Variants in CACNB4 observed in about 807,000 individuals in gnomAD.
The protein encoded by CACNB4 is calcium voltage-gated channel auxiliary subunit beta 4, also known as voltage-dependent L-type calcium channel subunit beta-4.
Under a neutral mutation model 71.2 loss-of-function variants are expected in CACNB4, and 32 were observed. The ratio of observed to expected loss-of-function variants is 0.45; its 90% CI spans 0.34 to 0.60. The LOEUF (loss-of-function observed/expected upper bound fraction) is 0.60, where lower values mean the gene tolerates loss of function less well. Among genes scored for constraint, CACNB4 ranks in the 20% least tolerant of loss-of-function variants. The probability of loss-of-function intolerance (pLI) is 0.01; values close to 1 mark genes in which losing one functional copy is unlikely to be tolerated. For missense variants in CACNB4, 464 were observed against 647.9 expected, an observed-to-expected ratio of 0.72 and a Z score of 3.08; for synonymous variants, 231 against 236.9, an observed-to-expected ratio of 0.97 and a Z score of 0.23.
At chr2:152,061,288 G>A (rs1178308156) in intron 2 of CACNB4, among the ~76,000 whole-genome samples, 1 of 151,856 alleles carries the variant, frequency 6.6e-6, no homozygotes, top group Admixed American at 6.6e-5. Context: ...CTCCAGCTTG[G>A]GTGACAGAGC....
chr2:151,854,565 T>C (rs2099839799), intron 11 of CACNB4: 1 of 152,220 alleles, frequency 6.6e-6, no homozygotes, highest in African/African-American at 2.4e-5. Flanking sequence ...GGTAACCATT[T>C]CACGTTAACT....
chr2:151,862,485 T>C (rs913204568), intron 9 of CACNB4, among the ~76,000 whole-genome samples: 1 of 152,144 alleles, frequency 6.6e-6, no homozygotes, highest in African/African-American at 2.4e-5. Context: ...ATTTGATGCA[T>C]CTTCAAAATT....
intron 6 of CACNB4, 165 bp from the exon 7 acceptor site, chr2:151,871,026 G>A (rs1044511587): frequency 2.8e-5 from 17 of 611,186 alleles, no homozygotes; most frequent in South Asian, 1.9e-4. Flanking sequence ...TTCTGGACAC[G>A]TCAATTTTGA....
intron 2 of CACNB4, among the ~76,000 whole-genome samples, chr2:151,910,326 T>G (rs1030640880): frequency 2.0e-5 from 3 of 152,248 alleles, no homozygotes; most frequent in Non-Finnish European, 4.4e-5. Flanking sequence ...GTAGGTTGCC[T>G]GTTCACTCTC....
chr2:151,991,646 T>G (rs1681709936), intron 2 of CACNB4, among the ~76,000 whole-genome samples: 1 of 152,242 alleles, frequency 6.6e-6, no homozygotes, highest in Non-Finnish European at 1.5e-5. Context: ...TCTGAATGTC[T>G]TCTTTTTCTT....
chr2:151,915,991 G>A (rs1405042825), intron 2 of CACNB4, among the ~76,000 whole-genome samples: 4 of 53,044 alleles, frequency 7.5e-5, no homozygotes, highest in African/African-American at 1.3e-4. Context: ...TTGGCTGGGG[G>A]GAGGGGGTTC....
At chr2:152,092,530 G>A (rs538438371) in intron 2 of CACNB4, among the ~76,000 whole-genome samples, 13 of 151,834 alleles carry the variant, frequency 8.6e-5, no homozygotes, top group South Asian at 8.3e-4. Context: ...CAAGGTAGAT[G>A]GTTCCAACAA....
At chr2:151,932,119 T>A (rs1385258016) in intron 2 of CACNB4, among the ~76,000 whole-genome samples, 1 of 152,100 alleles carries the variant, frequency 6.6e-6, no homozygotes, top group Non-Finnish European at 1.5e-5. Flanking sequence ...GACAGCTAAC[T>A]TTTGCTTTTA....
intron 2 of CACNB4, among the ~76,000 whole-genome samples, chr2:152,070,230 A>G (rs1405012997): frequency 6.6e-6 from 1 of 152,198 alleles, no homozygotes; most frequent in Non-Finnish European, 1.5e-5. Flanking sequence ...AAAAATAAGA[A>G]TTGATTTTTC....
intron 2 of CACNB4, among the ~76,000 whole-genome samples, chr2:152,057,908 T>C (rs12474775): frequency 0.24 from 36,462 of 152,148 alleles, 5,510 homozygotes; most frequent in East Asian, 0.76. Flanking sequence ...CACCCAAATC[T>C]CATCTTGAAT....
chr2:152,061,229 T>C (rs1298525895), intron 2 of CACNB4, among the ~76,000 whole-genome samples: 1 of 152,044 alleles, frequency 6.6e-6, no homozygotes, highest in Non-Finnish European at 1.5e-5. Context: ...GAAGGATTGC[T>C]TGAGCCCAGG....
At chr2:151,978,098 C>G (rs993681234) in intron 2 of CACNB4, among the ~76,000 whole-genome samples, 1 of 151,988 alleles carries the variant, frequency 6.6e-6, no homozygotes, top group Non-Finnish European at 1.5e-5. Context: ...ACAGGGCAGA[C>G]AAGGGAATGA....
At chr2:151,977,017 A>T (rs1310445157) in intron 2 of CACNB4, among the ~76,000 whole-genome samples, 1 of 151,860 alleles carries the variant, frequency 6.6e-6, no homozygotes, top group Non-Finnish European at 1.5e-5. Flanking sequence ...AAGAAGATGA[A>T]AGAGAAACCA....
chr2:151,919,924 C>G (rs142489781), intron 2 of CACNB4, among the ~76,000 whole-genome samples: 1 of 152,154 alleles, frequency 6.6e-6, no homozygotes, highest in Non-Finnish European at 1.5e-5. Flanking sequence ...AAAGTTCAGA[C>G]GAGACTCACT....
intron 2 of CACNB4, among the ~76,000 whole-genome samples, chr2:152,031,270 T>A (rs189394848): frequency 6.6e-6 from 1 of 152,262 alleles, no homozygotes; most frequent in East Asian, 1.9e-4. Context: ...AATTATTAAA[T>A]CTGAACAAGT....
chr2:151,958,906 G>A (rs2151689519), intron 2 of CACNB4, among the ~76,000 whole-genome samples: 1 of 152,234 alleles, frequency 6.6e-6, no homozygotes, highest in South Asian at 2.1e-4. Context: ...TACAGTATGT[G>A]ATCACAGAAA....
chr2:151,897,763 AT>A (rs1186362962), intron 2 of CACNB4, among the ~76,000 whole-genome samples: 1 of 152,156 alleles, frequency 6.6e-6, no homozygotes, highest in Non-Finnish European at 1.5e-5. Context: ...CACAATACTT[AT>A]TCTTTCTGGG....
intron 2 of CACNB4, among the ~76,000 whole-genome samples, chr2:151,938,741 C>T (rs1260175378): frequency 6.6e-6 from 1 of 152,174 alleles, no homozygotes; most frequent in African/African-American, 2.4e-5. Context: ...CCCCAATACA[C>T]AAAAATAAGA....
intron 2 of CACNB4, among the ~76,000 whole-genome samples, chr2:151,988,920 T>C (rs978405820): frequency 1.3e-5 from 2 of 152,176 alleles, no homozygotes; most frequent in African/African-American, 2.4e-5. Context: ...GTTTTTTCCC[T>C]CAATCCACAA....
Sources: gnomAD v4.1 joint callset for allele counts (sites outside exome capture counted in the v4.1 genomes callset) on GRCh38, gnomAD v4.1.1 for gene constraint, MANE v1.5 for transcripts, NCBI Gene and HGNC (gene_info 2026-07-23, HGNC 2026-07-21) for gene names.